ZNFX1: variants seen among roughly 807,000 people sequenced by gnomAD.
ZNFX1 encodes zinc finger NFX1-type containing 1.
ZNFX1 carries 78 observed loss-of-function variants against 179.8 expected under a neutral mutation model. That is an observed-to-expected ratio of 0.43 (90% confidence interval 0.36 to 0.52). The LOEUF (loss-of-function observed/expected upper bound fraction) is 0.52, where lower values mean the gene tolerates loss of function less well. ZNFX1 is among the 20% of genes least tolerant of loss of function. The pLI, the probability that ZNFX1 is intolerant of heterozygous loss-of-function variation, is 0.00. For missense variants in ZNFX1, 1,927 were observed against 2,386.6 expected, an observed-to-expected ratio of 0.81 and a Z score of 4.01; for synonymous variants, 848 against 868.5, an observed-to-expected ratio of 0.98 and a Z score of 0.42.
chr20:49,277,474 A>G (rs1482547046), intron 1 of ZNFX1, among the ~76,000 whole-genome samples: 1 of 148,004 alleles, frequency 6.8e-6, no homozygotes, highest in Non-Finnish European at 1.5e-5. Context: ...AGGGGGATTG[A>G]TAAGGTGACA....
chr20:49,254,180 CT>C (rs1168483566), intron 10 of ZNFX1, among the ~76,000 whole-genome samples: 1 of 152,138 alleles, frequency 6.6e-6, no homozygotes, highest in African/African-American at 2.4e-5. Flanking sequence ...GCACCCACCA[CT>C]ACACCCAGCT....
chr20:49,252,606 T>A, intron 12 of ZNFX1, 114 bp downstream of exon 12: 1 of 670,240 alleles, frequency 1.5e-6, no homozygotes. Flanking sequence ...GTTGACAGAG[T>A]CATTTCAGTA....
In ZNFX1 at chr20:49,247,284, TCTC is replaced by T; in HGVS notation, c.5737_5739del (p.Glu1913del). The T allele has an allele frequency of 6.2e-7, 1 of 1,607,664 alleles. No homozygotes were observed. On this transcript the variant is annotated inframe_deletion, in exon 14 of 14. Coordinates refer to ENST00000396105, the MANE Select transcript of ZNFX1 (RefSeq NM_021035.3). ...CCATCTTCCTACATCATCCCCTGGA[TCTC>T]CTCAAAGTTCATCAGGTTGTTGGCC...
chr20:49,276,924 C>A (rs1981577319), intron 1 of ZNFX1, among the ~76,000 whole-genome samples: 1 of 151,946 alleles, frequency 6.6e-6, no homozygotes, highest in African/African-American at 2.4e-5. Context: ...ATTTTCAATT[C>A]TCCGAGGGGA....
chr20:49,271,886 A>T (rs1320348722), intron 2 of ZNFX1, 136 bp from the exon 3 acceptor site: 1 of 1,006,696 alleles, frequency 9.9e-7, no homozygotes, highest in Non-Finnish European at 1.4e-6. Flanking sequence ...AACGGTTTCT[A>T]CCAAGTCATA....
chr20:49,264,581 T>G, intron 5 of ZNFX1, 135 bp downstream of exon 5: 1 of 1,078,780 alleles, frequency 9.3e-7, no homozygotes, highest in South Asian at 1.6e-5. Flanking sequence ...CAGAATAGAA[T>G]GCTGAAAGGA....
chr20:49,261,820 A>G (rs1000653729), intron 6 of ZNFX1, among the ~76,000 whole-genome samples: 2 of 150,964 alleles, frequency 1.3e-5, no homozygotes, highest in Admixed American at 1.3e-4. Flanking sequence ...TAATTTTTTT[A>G]TTTTTTTAGT....
intron 6 of ZNFX1, among the ~76,000 whole-genome samples, chr20:49,262,408 A>C (rs895062590): frequency 1.1e-5 from 1 of 94,288 alleles, no homozygotes; most frequent in East Asian, 2.2e-4. Flanking sequence ...ACTCTGTCTC[A>C]AAAAAAAAAA....
intron 3 of ZNFX1, among the ~76,000 whole-genome samples, chr20:49,267,298 C>G (rs1981259379): frequency 6.6e-6 from 1 of 152,106 alleles, no homozygotes; most frequent in Admixed American, 6.6e-5. Context: ...GATTTCACTA[C>G]AGCAGGATAA....
In ZNFX1 at chr20:49,270,961, C is replaced by T; in HGVS notation, c.851G>A (p.Gly284Asp). 15 of 1,614,126 alleles carry T rather than the reference C, an allele frequency of 9.3e-6. No individual in the cohort carries two copies. Among genetic ancestry groups the T allele is most frequent in the Non-Finnish European group, 1.3e-5 (15 of 1,180,008 alleles). Reference protein sequence around the residue: ...PTSLNALRASGVDIEEETEKN... With the variant: ...PTSLNALRASDVDIEEETEKN... ...CTCCGTTTCCTCTTCTATGTCAACACCAGAGGCTCTCAGAGCATTAAGAGA... is the reference window on the plus strand; with the variant it reads ...CTCCGTTTCCTCTTCTATGTCAACATCAGAGGCTCTCAGAGCATTAAGAGA... Residue 284 changes from glycine (G) to aspartate (D), a missense_variant, in exon 3 of 14, where the codon GGT (glycine) becomes GAT (aspartate). By Grantham distance (94) the Gly-to-Asp change is moderately conservative (BLOSUM62 -1). Transcript: ENST00000396105. The surrounding 1 kb of genome is among the most constrained non-coding windows in gnomAD (Gnocchi z 4.6).
chr20:49,273,085 G>A (rs1163509498), intron 2 of ZNFX1, among the ~76,000 whole-genome samples: 3 of 152,046 alleles, frequency 2.0e-5, no homozygotes, highest in Non-Finnish European at 4.4e-5. Context: ...ATACTAAATT[G>A]ATTTATGCAC....
chr20:49,269,287 A>G lies in ZNFX1; in HGVS notation c.1870+655T>C, dbSNP rs182440955. On this transcript the variant is annotated intron_variant, in intron 3 of 13. Transcript: ENST00000396105. The stretch of plus-strand genomic sequence containing the variant: ...AATTAAATACCACATGTTCTCACTC[A>G]TAAGTGGGAGCTAAACATTGAATAC... Among the ~76,000 whole-genome samples, 11 of 152,368 alleles carry G rather than the reference A, an allele frequency of 7.2e-5. No individual in the cohort carries two copies. The East Asian group carries it at 1.7e-3, about 24-fold the overall frequency.
rs1600981300 is a variant in ZNFX1, at chr20:49,246,331, T to C, written c.*936A>G. 2 of 152,726 alleles carry C rather than the reference T, an allele frequency of 1.3e-5. No individual in the cohort carries two copies. Among genetic ancestry groups the C allele is most frequent in the African/African-American group, 4.8e-5 (2 of 41,448 alleles). The allele number at this position is 152,726 out of a possible 1,614,324, so 9.5% of individuals were successfully genotyped here. A position where few individuals can be genotyped will look rare whatever the true frequency, so the allele number is the denominator to read the frequency against. On this transcript the variant is annotated 3_prime_UTR_variant, in exon 14 of 14. Coordinates refer to ENST00000396105, the MANE Select transcript of ZNFX1 (RefSeq NM_021035.3). ...TCACTCCTTAATGACGACCTGGGCC[T>C]GCTGCATAAGGCCCATCTTATGCAG...
intron 4 of ZNFX1, 65 bp from the exon 5 acceptor site, chr20:49,264,929 G>C (rs1169241208): frequency 1.9e-6 from 3 of 1,607,636 alleles, no homozygotes; most frequent in Admixed American, 1.7e-5. Context: ...TCAGGTGAGA[G>C]CTGTGTGTAT....
At chr20:49,274,998 C>T (rs1981515754) in intron 2 of ZNFX1, among the ~76,000 whole-genome samples, 1 of 151,360 alleles carries the variant, frequency 6.6e-6, no homozygotes, top group Admixed American at 6.6e-5. Context: ...TGGTGGGCAC[C>T]TGTAATCCCA....
chr20:49,265,196 G>A (rs1448776907), intron 4 of ZNFX1, among the ~76,000 whole-genome samples: 1 of 152,174 alleles, frequency 6.6e-6, no homozygotes, highest in East Asian at 1.9e-4. Context: ...CTCCCATATA[G>A]GGCTACAGTC....
intron 3 of ZNFX1, 26 bp downstream of exon 3, chr20:49,269,916 A>T (rs765622843): frequency 1.2e-5 from 19 of 1,564,020 alleles, no homozygotes; most frequent in Non-Finnish European, 1.6e-5. Context: ...AGCAGATCTT[A>T]TGTACTCTAA....
intron 2 of ZNFX1, among the ~76,000 whole-genome samples, chr20:49,272,837 C>G (rs1265997617): frequency 6.6e-6 from 1 of 152,142 alleles, no homozygotes; most frequent in African/African-American, 2.4e-5. Flanking sequence ...TGAACTTCAC[C>G]CTCATAGTAC....
At chr20:49,267,042 G>A (rs1051349249) in intron 3 of ZNFX1, among the ~76,000 whole-genome samples, 12 of 152,048 alleles carry the variant, frequency 7.9e-5, no homozygotes, top group African/African-American at 2.4e-4. Flanking sequence ...GACCACAGGC[G>A]CATGCCACCA....
Sources: allele counts gnomAD v4.1 joint callset (sites outside exome capture counted in the v4.1 genomes callset), GRCh38; gene constraint gnomAD v4.1.1; non-coding constraint Gnocchi (gnomAD v3.1); transcripts MANE v1.5; gene names NCBI Gene and HGNC (gene_info 2026-07-23, HGNC 2026-07-21).